The following MCPH1 variants were observed in gnomAD, a reference collection of about 807,000 sequenced individuals.
The protein encoded by MCPH1 is microcephalin.
In MCPH1, 104 loss-of-function variants were observed where a neutral mutation model predicts 84.5. The ratio of observed to expected loss-of-function variants is 1.23; its 90% confidence interval spans 1.05 to 1.45. MCPH1 has a LOEUF of 1.45. Among genes scored for constraint, MCPH1 ranks in the 40% most tolerant of loss-of-function variants. The pLI, the probability that MCPH1 is intolerant of heterozygous loss-of-function variation, is 0.00. For missense variants in MCPH1, 1,498 were observed against 1,005.7 expected, an observed-to-expected ratio of 1.49 and a Z score of -6.62; for synonymous variants, 514 against 366.8, an observed-to-expected ratio of 1.40 and a Z score of -4.58.
At chr8:6,467,411 C>T (rs974876560) in intron 9 of MCPH1, among the ~76,000 whole-genome samples, 1 of 152,150 alleles carries the variant, frequency 6.6e-6, no homozygotes, top group African/African-American at 2.4e-5. Context: ...ATCTAGTTCT[C>T]ATCATTAAAA....
intron 13 of MCPH1, among the ~76,000 whole-genome samples, chr8:6,630,587 G>C (rs1190988156): frequency 1.3e-5 from 2 of 152,126 alleles, no homozygotes; most frequent in Non-Finnish European, 2.9e-5. Flanking sequence ...CTAGAGACCA[G>C]CCTGACCAAC....
chr8:6,468,645 G>GT lies in MCPH1; in HGVS notation c.1936-8949_1936-8948insT, dbSNP rs1585947421. ...GAACTACTTGGATGTACATTTTTTTGGTTTTTTTTTTTTTTTGCTATGAAA... is the reference window on the plus strand; with the variant it reads ...GAACTACTTGGATGTACATTTTTTTGTGTTTTTTTTTTTTTTTGCTATGAAA... On this transcript the variant is annotated intron_variant, in intron 9 of 13. Transcript: ENST00000344683. 4.4e-4 allele frequency among the ~76,000 whole-genome samples: 58 copies of GT among 131,134 alleles called. No individual in the cohort carries two copies. In the East Asian group the frequency reaches 0.011, roughly 25 times the overall value. 86.0% of individuals were successfully genotyped at this position (131,134 alleles called of 152,430 possible). A position where few individuals can be genotyped will look rare whatever the true frequency, so the allele number is the denominator to read the frequency against.
At chr8:6,573,428 T>C (rs116686167) in intron 12 of MCPH1, among the ~76,000 whole-genome samples, 1,596 of 152,242 alleles carry the variant, frequency 0.01, 27 homozygotes, top group African/African-American at 0.036. Flanking sequence ...GGAATGGGAT[T>C]GGTCTGGTAC....
intron 12 of MCPH1, among the ~76,000 whole-genome samples, chr8:6,555,449 CG>C (rs140049089): frequency 1.3e-5 from 2 of 148,284 alleles, no homozygotes; most frequent in African/African-American, 5.1e-5. Flanking sequence ...ATTTGTTTTA[CG>C]GGGGGTGGTT....
chr8:6,551,890 A>T (rs534232793), intron 12 of MCPH1, among the ~76,000 whole-genome samples: 2 of 152,316 alleles, frequency 1.3e-5, no homozygotes, highest in South Asian at 4.1e-4. Flanking sequence ...TTGTTTAGGG[A>T]ATTTTTAAGC....
At chr8:6,474,757 T>C (rs1808216429) in intron 9 of MCPH1, among the ~76,000 whole-genome samples, 1 of 152,172 alleles carries the variant, frequency 6.6e-6, no homozygotes, top group Non-Finnish European at 1.5e-5. Flanking sequence ...CTAGAAATTT[T>C]TGGAGTCCAA....
At chr8:6,426,685 C>T (rs1801109600) in intron 3 of MCPH1, among the ~76,000 whole-genome samples, 1 of 152,190 alleles carries the variant, frequency 6.6e-6, no homozygotes, top group South Asian at 2.1e-4. Flanking sequence ...TGGGTCATTA[C>T]CCAAACTTTT....
At chr8:6,418,164 C>T (rs1366700159) in intron 3 of MCPH1, among the ~76,000 whole-genome samples, 5 of 152,048 alleles carry the variant, frequency 3.3e-5, no homozygotes, top group Non-Finnish European at 7.4e-5. Flanking sequence ...CTCTAGTAGC[C>T]CTAGCTGCCC....
At chr8:6,475,372 G>A (rs922022405) in intron 9 of MCPH1, among the ~76,000 whole-genome samples, 2 of 152,194 alleles carry the variant, frequency 1.3e-5, no homozygotes, top group Admixed American at 1.3e-4. Flanking sequence ...TGGGAGATGT[G>A]CTTATCCTGG....
At chr8:6,440,799 C>G (rs1474732050) in intron 6 of MCPH1, among the ~76,000 whole-genome samples, 1 of 152,124 alleles carries the variant, frequency 6.6e-6, no homozygotes, top group African/African-American at 2.4e-5. Context: ...GTCCTTTGTC[C>G]ATATGTATCA....
intron 12 of MCPH1, among the ~76,000 whole-genome samples, chr8:6,505,318 A>G (rs1211635896): frequency 1.7e-5 from 1 of 59,728 alleles, no homozygotes; most frequent in African/African-American, 9.3e-5. Flanking sequence ...TAACATATAT[A>G]TGTTATATAC....
intron 12 of MCPH1, among the ~76,000 whole-genome samples, chr8:6,504,959 A>G (rs984487372): frequency 3.3e-5 from 5 of 151,906 alleles, no homozygotes; most frequent in African/African-American, 1.2e-4. Context: ...ATAAATCTCA[A>G]CAACACTGTG....
intron 12 of MCPH1, among the ~76,000 whole-genome samples, chr8:6,550,547 T>C (rs1823458526): frequency 6.6e-6 from 1 of 152,202 alleles, no homozygotes; most frequent in Non-Finnish European, 1.5e-5. Flanking sequence ...TCCACATTTG[T>C]TCCCACTCGG....
At chr8:6,527,743 T>A (rs1818611179) in intron 12 of MCPH1, 2 of 1,386,646 alleles carry the variant, frequency 1.4e-6, no homozygotes, top group South Asian at 2.7e-5. Context: ...AACTTCCTTT[T>A]CATTAAAGTA....
chr8:6,553,074 G>A (rs186293241), intron 12 of MCPH1, among the ~76,000 whole-genome samples: 1 of 152,244 alleles, frequency 6.6e-6, no homozygotes, highest in African/African-American at 2.4e-5. Context: ...AGAATGTACA[G>A]CACCAGATGT....
intron 12 of MCPH1, among the ~76,000 whole-genome samples, chr8:6,505,287 TTATATACA>T (rs1354847493): frequency 1.1e-5 from 1 of 89,418 alleles, no homozygotes; most frequent in Non-Finnish European, 1.9e-5. Context: ...CATATATATG[TTATATACA>T]TATATATGTA....
chr8:6,578,842 C>A lies in MCPH1; in HGVS notation c.2215-42612C>A, dbSNP rs111263556. Among the ~76,000 whole-genome samples, 262 of 152,264 alleles carry A rather than the reference C, an allele frequency of 1.7e-3. 2 individuals carry two copies. The highest frequency in any genetic ancestry group is 6.1e-3 in the African/African-American group (253 of 41,556). On this transcript the variant is annotated intron_variant, in intron 12 of 13. Transcript: ENST00000344683. ...GTTCTCCACAGAGCTGCTCTCGGCT[C>A]CTTTGGAAGAGGTTCAACGTTGGGA...
intron 3 of MCPH1, among the ~76,000 whole-genome samples, chr8:6,417,223 A>G (rs117195721): frequency 1.6e-4 from 24 of 152,110 alleles, no homozygotes; most frequent in East Asian, 1.4e-3. Flanking sequence ...GATTAGCTGT[A>G]TATCTTTTTC....
intron 12 of MCPH1, among the ~76,000 whole-genome samples, chr8:6,597,650 G>C (rs2129578049): frequency 6.6e-6 from 1 of 152,252 alleles, no homozygotes; most frequent in East Asian, 1.9e-4. Context: ...CTCAGCGCTA[G>C]GAAGGGAGAG....
Sources: allele counts gnomAD v4.1 joint callset (sites outside exome capture counted in the v4.1 genomes callset), GRCh38; gene constraint gnomAD v4.1.1; transcripts MANE v1.5; gene names NCBI Gene and HGNC (gene_info 2026-07-23, HGNC 2026-07-21).